The following NEK4 variants were observed in gnomAD, a reference collection of about 807,000 sequenced individuals.
NEK4 encodes the protein NIMA related kinase 4, also known as serine/threonine-protein kinase Nek4.
Under a neutral mutation model 98.4 loss-of-function variants are expected in NEK4, and 86 were observed. The ratio of observed to expected loss-of-function variants is 0.87; its 90% CI spans 0.73 to 1.05. The LOEUF (loss-of-function observed/expected upper bound fraction) is 1.05, where lower values mean the gene tolerates loss of function less well. NEK4 is among the 50% of genes least tolerant of loss of function. The pLI, the probability that NEK4 is intolerant of heterozygous loss-of-function variation, is 0.00. For missense variants in NEK4, 898 were observed against 950.3 expected, an observed-to-expected ratio of 0.94 and a Z score of 0.72; for synonymous variants, 328 against 342.2, an observed-to-expected ratio of 0.96 and a Z score of 0.46.
chr3:52,764,780 A>ACATG (rs1698492381), intron 4 of NEK4, among the ~76,000 whole-genome samples: 2 of 51,728 alleles, frequency 3.9e-5, no homozygotes, highest in Non-Finnish European at 8.2e-5. Context: ...ACACACATGC[A>ACATG]CACACACACA....
chr3:52,742,117 TGAA>T (rs994213733), intron 12 of NEK4, among the ~76,000 whole-genome samples: 6 of 152,158 alleles, frequency 3.9e-5, no homozygotes, highest in South Asian at 2.1e-4. Flanking sequence ...GTCTCAGCTG[TGAA>T]GAAATTTCCA....
chr3:52,763,928 A>G (rs1432614309), intron 4 of NEK4, among the ~76,000 whole-genome samples: 1 of 152,232 alleles, frequency 6.6e-6, no homozygotes, highest in Non-Finnish European at 1.5e-5. Flanking sequence ...TTGCAGTAGT[A>G]AACAATTGGA....
Position 52,746,141 on chromosome 3 carries a change from G to C in NEK4, c.1747C>G (p.Gln583Glu). 6.2e-7 allele frequency: 1 copy of C among 1,614,010 alleles called. No individual in the cohort carries two copies. Among genetic ancestry groups the C allele is most frequent in the African/African-American group, 1.3e-5 (1 of 75,016 alleles). ...IVGKVDVTST[Q>E]KEAENQRRVV... Reference sequence around the variant, plus strand: ...CTACGTTGGTTTTCAGCCTCTTTTTGTGTTGATGTGACATCCACTTTCCCA... The same window carrying C: ...CTACGTTGGTTTTCAGCCTCTTTTTCTGTTGATGTGACATCCACTTTCCCA... The change falls in exon 10 of 16, where the codon CAA (glutamine) becomes GAA (glutamate). Residue 583 changes from glutamine to glutamate, a missense_variant. Transcript: ENST00000233027.
intron 5 of NEK4, 122 bp downstream of exon 5, chr3:52,763,348 A>G: frequency 9.6e-7 from 1 of 1,045,514 alleles, no homozygotes. Context: ...ATATGTAATC[A>G]TGCCATTTTA....
intron 15 of NEK4, among the ~76,000 whole-genome samples, chr3:52,723,052 A>G (rs369790362): frequency 1.3e-5 from 2 of 152,028 alleles, no homozygotes; most frequent in Admixed American, 1.3e-4. Context: ...AAAAAATTTT[A>G]AAATTAGCTA....
chr3:52,766,381 G>T lies in NEK4; in HGVS notation c.361-6C>A. On this transcript the variant is annotated splice_polypyrimidine_tract_variant and splice_region_variant and intron_variant, in intron 2 of 15. Transcript: ENST00000233027. ...ATGTGTTTTTCATGTAAATACTGAG[G>T]AAAGAAACAAGATTTTATTACATAT... 7 of 1,598,996 alleles carry T rather than the reference G, an allele frequency of 4.4e-6. No homozygotes were observed. Among genetic ancestry groups the T allele is most frequent in the Non-Finnish European group, 6.0e-6 (7 of 1,166,558 alleles).
chr3:52,743,380 C>T lies in NEK4; in HGVS notation c.1976G>A (p.Arg659Gln), dbSNP rs200143654. ...AGTGACGCTGCAGTCAGAGGAGAGC[C>T]GTCGGGCAGGCAAGGGCTGGTCTTC... ...QEEDQPLPARRLSSDCSVTQE... is the reference protein window; with the variant it reads ...QEEDQPLPARQLSSDCSVTQE... The change falls in exon 12 of 16, where the codon CGG (arginine) becomes CAG (glutamine). Residue 659 changes from arginine (R) to glutamine (Q), a missense_variant. Transcript: ENST00000233027. 35 of 1,614,072 alleles carry T rather than the reference C, an allele frequency of 2.2e-5. No individual in the cohort carries two copies. Among genetic ancestry groups the T allele is most frequent in the African/African-American group, 9.3e-5 (7 of 75,034 alleles).
intron 9 of NEK4, 22 bp downstream of exon 9, chr3:52,746,712 A>C: frequency 6.3e-7 from 1 of 1,585,526 alleles, no homozygotes; most frequent in East Asian, 2.3e-5. Flanking sequence ...TCCACCTCCC[A>C]AACCAAAGCA....
intron 15 of NEK4, among the ~76,000 whole-genome samples, chr3:52,728,190 C>T (rs1372483122): frequency 6.6e-6 from 1 of 152,204 alleles, no homozygotes; most frequent in Non-Finnish European, 1.5e-5. Context: ...CTAGGGAACA[C>T]AGTGAAAGCC....
rs992133632 is a variant in NEK4, at chr3:52,710,084, C to G, written c.*1693G>C. ...CTAAATAAAAATCTGTTAAGTGTGC[C>G]GGGCGCGGTGGCTCACGCCTGTAAT... is the stretch of plus-strand genomic sequence containing the variant. On this transcript the variant is annotated 3_prime_UTR_variant, in exon 16 of 16. Coordinates refer to ENST00000233027, the MANE Select transcript of NEK4 (RefSeq NM_003157.6). 2 of 152,250 alleles carry G rather than the reference C, an allele frequency of 1.3e-5. 1 individual carries two copies. The highest frequency in any genetic ancestry group is 4.8e-5 in the African/African-American group (2 of 41,432). 9.4% of individuals were successfully genotyped at this position (152,250 alleles called of 1,614,324 possible). A position where few individuals can be genotyped will look rare whatever the true frequency, so the allele number is the denominator to read the frequency against.
chr3:52,735,735 T>C (rs768982420), intron 15 of NEK4, among the ~76,000 whole-genome samples: 8 of 152,238 alleles, frequency 5.3e-5, no homozygotes, highest in Non-Finnish European at 8.8e-5. Context: ...AATGTTCCTT[T>C]GCCAAAAATA....
rs1698754346 is a variant in NEK4, at chr3:52,770,774, T to TGCGGCGGCAGCGGCGGGTAGG, written c.-49_-29dup. The TGCGGCGGCAGCGGCGGGTAGG allele has an allele frequency of 6.5e-7, 1 of 1,543,546 alleles. No individual in the cohort carries two copies. On this transcript the variant is annotated 5_prime_UTR_variant, in exon 1 of 16. Transcript: ENST00000233027. ...TCCCAGCGCTGGCCCAGAGTCGGGA[T>TGCGGCGGCAGCGGCGGGTAGG]GCGGCGGCAGCGGCGGGTAGGGCAG...
chr3:52,758,983 G>A (rs935636095), intron 6 of NEK4, among the ~76,000 whole-genome samples: 3 of 151,024 alleles, frequency 2.0e-5, no homozygotes, highest in Admixed American at 1.3e-4. Flanking sequence ...ACAGCTAATC[G>A]GAAGGCTGAG....
At position 52,770,925 on chromosome 3, in the gene NEK4, G is replaced by A; in HGVS notation, c.-179C>T. ...ACGACGCCGCTGCCATAGCGATCCG[G>A]GCCGGGAGCAGTTCTGCGCATGCTC... On this transcript the variant is annotated 5_prime_UTR_variant, in exon 1 of 16. Transcript: ENST00000233027. 6.6e-6 allele frequency: 4 copies of A among 609,902 alleles called. No individual in the cohort carries two copies. Among genetic ancestry groups the A allele is most frequent in the Non-Finnish European group, 1.2e-5 (4 of 346,884 alleles). The allele number at this position is 609,902 out of a possible 1,614,324, so 37.8% of individuals were successfully genotyped here. A position where few individuals can be genotyped will look rare whatever the true frequency, so the allele number is the denominator to read the frequency against.
intron 15 of NEK4, among the ~76,000 whole-genome samples, chr3:52,726,354 T>C (rs1044940118): frequency 9.9e-5 from 15 of 152,138 alleles, no homozygotes; most frequent in Non-Finnish European, 2.2e-4. Context: ...ATCCCAGCAC[T>C]TTAGGAGGCT....
chr3:52,743,561 C>T (rs1294964412), intron 11 of NEK4, 100 bp from the exon 12 acceptor site: 3 of 824,208 alleles, frequency 3.6e-6, no homozygotes, highest in Non-Finnish European at 6.1e-6. Flanking sequence ...GGAGCTAGCC[C>T]AAAAGTAAGT....
intron 15 of NEK4, among the ~76,000 whole-genome samples, chr3:52,731,171 G>T (rs2097369268): frequency 6.6e-6 from 1 of 152,152 alleles, no homozygotes; most frequent in South Asian, 2.1e-4. Context: ...CTACGGAAAT[G>T]ACTCCACATG....
intron 15 of NEK4, among the ~76,000 whole-genome samples, chr3:52,726,968 C>CTTT (rs35173917): frequency 9.6e-5 from 12 of 124,384 alleles, no homozygotes; most frequent in Non-Finnish European, 1.6e-4. Flanking sequence ...GCATCTAAAA[C>CTTT]TTTTTTTTTT....
intron 6 of NEK4, among the ~76,000 whole-genome samples, chr3:52,759,943 G>A (rs978488289): frequency 4.0e-5 from 6 of 150,174 alleles, no homozygotes; most frequent in African/African-American, 1.5e-4. Context: ...TTGAAAATAT[G>A]CTATGTGGAA....
Sources: gnomAD v4.1 joint callset for allele counts (sites outside exome capture counted in the v4.1 genomes callset) on GRCh38, gnomAD v4.1.1 for gene constraint, MANE v1.5 for transcripts, NCBI Gene and HGNC (gene_info 2026-07-23, HGNC 2026-07-21) for gene names.